APH1B: variants seen among roughly 807,000 people sequenced by gnomAD.
APH1B encodes the protein aph-1B gamma-secretase subunit, also known as gamma-secretase subunit APH-1B.
APH1B carries 27 observed loss-of-function variants against 28.2 expected under a neutral mutation model. The observed-to-expected ratio is 0.96, with a 90% CI of 0.70 to 1.32. The LOEUF (loss-of-function observed/expected upper bound fraction) is 1.32. APH1B is among the 40% of genes most tolerant of loss of function. The probability of loss-of-function intolerance (pLI) is 0.00; values close to 1 mark genes in which losing one functional copy is unlikely to be tolerated. For missense variants in APH1B, 305 were observed against 313.6 expected (o/e 0.97, Z 0.21); for synonymous variants, 141 against 124.6 (o/e 1.13, Z -0.88).
At chr15:63,295,597 T>C (rs1358152725) in intron 4 of APH1B, among the ~76,000 whole-genome samples, 3 of 152,186 alleles carry the variant, frequency 2.0e-5, no homozygotes. Context: ...GGCCAGATGA[T>C]TCTTGGTTGG....
chr15:63,288,431 C>G (rs1255903315), intron 4 of APH1B, among the ~76,000 whole-genome samples: 1 of 152,226 alleles, frequency 6.6e-6, no homozygotes, highest in East Asian at 1.9e-4. Context: ...CCAGTGGACA[C>G]TCATTCACCA....
intron 1 of APH1B, among the ~76,000 whole-genome samples, 189 bp from the exon 2 acceptor site, chr15:63,278,972 G>C (rs1317154022): frequency 6.6e-6 from 1 of 152,160 alleles, no homozygotes; most frequent in Non-Finnish European, 1.5e-5. Flanking sequence ...GGACACGTTT[G>C]TCTCACCAAG....
At chr15:63,278,609 G>A (rs951796839) in intron 1 of APH1B, among the ~76,000 whole-genome samples, 2 of 152,202 alleles carry the variant, frequency 1.3e-5, no homozygotes, top group African/African-American at 4.8e-5. Context: ...TGTAAGACCT[G>A]GAGGGCTTGG....
chr15:63,285,039 T>G (rs2038431091), intron 2 of APH1B, among the ~76,000 whole-genome samples: 1 of 152,238 alleles, frequency 6.6e-6, no homozygotes. Context: ...ACATTTTAGT[T>G]GGTTACTGCT....
chr15:63,293,869 A>T (rs906101336), intron 4 of APH1B, among the ~76,000 whole-genome samples: 2 of 151,758 alleles, frequency 1.3e-5, no homozygotes, highest in South Asian at 4.2e-4. Flanking sequence ...GACTCAAACA[A>T]TCCTGCCACT....
Position 63,308,546 on chromosome 15 carries a change from T to A in APH1B, c.*2765T>A, listed in dbSNP as rs535624886. On this transcript the variant is annotated 3_prime_UTR_variant, in exon 6 of 6. Coordinates refer to ENST00000261879, the MANE Select transcript of APH1B (RefSeq NM_031301.4). ...TCAATGTTTGTGGAGAGTGGCAGAT[T>A]CACACCAGAAACACTAGGTGTTCAT... 6.6e-6 allele frequency: 1 copy of A among 152,246 alleles called. No homozygotes were observed. Among genetic ancestry groups the A allele is most frequent in the Non-Finnish European group, 1.5e-5 (1 of 68,044 alleles). The allele number at this position is 152,246 out of a possible 1,614,324, so 9.4% of individuals were successfully genotyped here.
chr15:63,301,765 A>G (rs1171432637), intron 4 of APH1B, among the ~76,000 whole-genome samples: 2 of 151,942 alleles, frequency 1.3e-5, no homozygotes, highest in African/African-American at 4.8e-5. Flanking sequence ...GGCATGTGCC[A>G]CCATGCCTGG....
At chr15:63,279,030 A>C (rs2038356121) in intron 1 of APH1B, 131 bp from the exon 2 acceptor site, 1 of 707,944 alleles carries the variant, frequency 1.4e-6, no homozygotes, top group African/African-American at 1.8e-5. Context: ...CTTTATGAGG[A>C]CTTTCTTTTC....
rs1304193714 is a variant in APH1B, at chr15:63,293,652, C to T, written c.478+6106C>T. On this transcript the variant is annotated intron_variant, in intron 4 of 5. Transcript: ENST00000261879. ...AGCTGGGATTACAGGAGTGCGCCAC[C>T]CTGCGCAGCTGATTTTTGTATTTTT... Among the ~76,000 whole-genome samples, 4 of 152,166 alleles carry T rather than the reference C, an allele frequency of 2.6e-5. No individual in the cohort carries two copies. In the East Asian group the frequency reaches 5.8e-4, roughly 22 times the overall value.
intron 2 of APH1B, among the ~76,000 whole-genome samples, chr15:63,282,405 A>ATGAGTTAGACCT (rs530555666): frequency 1.6e-4 from 24 of 152,220 alleles, no homozygotes; most frequent in Non-Finnish European, 3.4e-4. Flanking sequence ...GTTTTATTTC[A>ATGAGTTAGACCT]TGAGTTAGAC....
intron 2 of APH1B, among the ~76,000 whole-genome samples, chr15:63,284,619 A>G (rs1481341440): frequency 6.6e-6 from 1 of 152,236 alleles, no homozygotes. Context: ...TTATGACGTC[A>G]CTAGGCAATA....
At chr15:63,289,725 A>G (rs1021167795) in intron 4 of APH1B, among the ~76,000 whole-genome samples, 2 of 152,218 alleles carry the variant, frequency 1.3e-5, no homozygotes, top group Non-Finnish European at 2.9e-5. Flanking sequence ...TGTTTTGGCC[A>G]GGTGTGGTGG....
chr15:63,305,218 G>C (rs1475894711), intron 5 of APH1B, among the ~76,000 whole-genome samples: 1 of 152,186 alleles, frequency 6.6e-6, no homozygotes, highest in African/African-American at 2.4e-5. Flanking sequence ...AACTGAAAAA[G>C]ACTATTCCCT....
chr15:63,307,720 C>T lies in APH1B; in HGVS notation c.*1939C>T, dbSNP rs1399632140. On this transcript the variant is annotated 3_prime_UTR_variant, in exon 6 of 6. Transcript: ENST00000261879. ...GGATATTCTGATAAAATATTTGCTGCTCTGTAGAGTGTGGAAAGTCTGAGA... is the reference window on the plus strand; with the variant it reads ...GGATATTCTGATAAAATATTTGCTGTTCTGTAGAGTGTGGAAAGTCTGAGA... The T allele has an allele frequency of 6.6e-6, 1 of 152,164 alleles. No homozygotes were observed. Among genetic ancestry groups the T allele is most frequent in the African/African-American group, 2.4e-5 (1 of 41,442 alleles). The allele number at this position is 152,164 out of a possible 1,614,324, so 9.4% of individuals were successfully genotyped here. A position where few individuals can be genotyped will look rare whatever the true frequency, so the allele number is the denominator to read the frequency against.
rs1170234570 is a variant in APH1B, at chr15:63,302,391, T to G, written c.525T>G (p.Ile175Met). 3 of 1,614,036 alleles carry G rather than the reference T, an allele frequency of 1.9e-6. No individual in the cohort carries two copies. The highest frequency in any genetic ancestry group is 2.5e-6 in the Non-Finnish European group (3 of 1,180,026). ...TCTTGCTGCATGTATTCTGGGGCATTGTATTTTTTGATGGCTGTGAGAAGA... is the reference window on the plus strand; with the variant it reads ...TCTTGCTGCATGTATTCTGGGGCATGGTATTTTTTGATGGCTGTGAGAAGA... ...VIILLHVFWG[I>M]VFFDGCEKKK... Residue 175 changes from isoleucine (I) to methionine (M), a missense_variant, in exon 5 of 6, where the codon ATT (isoleucine) becomes ATG (methionine). Ile to Met is a conservative substitution (Grantham distance 10). Coordinates refer to ENST00000261879, the MANE Select transcript of APH1B (RefSeq NM_031301.4).
Position 63,286,600 on chromosome 15 carries a change from A to T in APH1B, c.327A>T (p.Thr109=), listed in dbSNP as rs778333976. 1.2e-6 allele frequency: 2 copies of T among 1,608,772 alleles called. No homozygotes were observed. Among genetic ancestry groups the T allele is most frequent in the South Asian group, 2.2e-5 (2 of 90,062 alleles). The stretch of plus-strand genomic sequence containing the variant: ...TGAAGAGTATAAACCCAGGTGAGAC[A>T]GCACCCTCTATGCGACTGCTGGCCT... ...EGLKSINPGE[T]APSMRLLAYV... The change falls in exon 3 of 6, where the codon ACA becomes ACT. Residue 109 remains threonine (T), a synonymous_variant. Transcript: ENST00000261879.
intron 5 of APH1B, among the ~76,000 whole-genome samples, chr15:63,303,527 G>T (rs1233208432): frequency 6.6e-6 from 1 of 152,184 alleles, no homozygotes; most frequent in Non-Finnish European, 1.5e-5. Context: ...ATGGAGTCTT[G>T]CCCTGTTGCC....
intron 2 of APH1B, among the ~76,000 whole-genome samples, chr15:63,283,115 G>C (rs4984258): frequency 0.95 from 144,866 of 152,284 alleles, 68,931 homozygotes; most frequent in Admixed American, 0.97. Flanking sequence ...AGTGCTGTTA[G>C]TTTTCCTCCC....
chr15:63,295,517 A>T (rs1179833756), intron 4 of APH1B, among the ~76,000 whole-genome samples: 2 of 152,250 alleles, frequency 1.3e-5, no homozygotes, highest in Non-Finnish European at 2.9e-5. Context: ...GGTTCTTCAA[A>T]GAGCCTTCTC....
Sources: gnomAD v4.1 joint callset for allele counts (sites outside exome capture counted in the v4.1 genomes callset) on GRCh38, gnomAD v4.1.1 for gene constraint, MANE v1.5 for transcripts, NCBI Gene and HGNC (gene_info 2026-07-23, HGNC 2026-07-21) for gene names.